Variants in PCDHA2 observed in about 807,000 individuals in gnomAD.
The protein encoded by PCDHA2 is protocadherin alpha-2.
A neutral mutation model predicts 66.0 loss-of-function variants in PCDHA2; 58 were observed. That is an observed-to-expected ratio of 0.88 (90% CI 0.71 to 1.09). PCDHA2 has a LOEUF of 1.09. PCDHA2 is among the 50% of genes least tolerant of loss of function. The probability of loss-of-function intolerance (pLI) is 0.00; values close to 1 mark genes in which losing one functional copy is unlikely to be tolerated. For synonymous variants in PCDHA2, 634 were observed against 554.0 expected, an observed-to-expected ratio of 1.14 and a Z score of -2.03; for missense variants, 1,267 against 1,242.3, an observed-to-expected ratio of 1.02 and a Z score of -0.30.
intron 1 of PCDHA2, among the ~76,000 whole-genome samples, chr5:140,885,031 AT>A (rs1165183992): frequency 6.6e-6 from 1 of 152,198 alleles, no homozygotes; most frequent in Non-Finnish European, 1.5e-5. Flanking sequence ...AATTTAAAAA[AT>A]TTTTAGTTTA....
intron 3 of PCDHA2, among the ~76,000 whole-genome samples, chr5:140,985,205 G>C (rs1554246849): frequency 6.6e-6 from 1 of 152,092 alleles, no homozygotes; most frequent in African/African-American, 2.4e-5. Flanking sequence ...CCAAAGTGTT[G>C]GGATTACAGG....
chr5:140,857,858 G>T (rs781810921), intron 1 of PCDHA2: 3 of 1,597,852 alleles, frequency 1.9e-6, no homozygotes, highest in South Asian at 1.1e-5. Context: ...TGGATACAAC[G>T]CGTGGCTGTC....
At chr5:140,830,321 G>T (rs2150184954) in intron 1 of PCDHA2, 3 of 1,613,998 alleles carry the variant, frequency 1.9e-6, no homozygotes, top group Admixed American at 1.7e-5. Flanking sequence ...GTGCTCCAGC[G>T]CAGTGGGGAG....
intron 3 of PCDHA2, 47 bp from the exon 4 acceptor site, chr5:141,009,580 G>T: frequency 1.3e-6 from 2 of 1,588,168 alleles, no homozygotes; most frequent in South Asian, 2.3e-5. Context: ...GTGGCATCAA[G>T]AGCATGTGTT....
At chr5:140,807,030 A>T in intron 1 of PCDHA2, 1 of 890,846 alleles carries the variant, frequency 1.1e-6, no homozygotes, top group Non-Finnish European at 1.7e-6. Context: ...AGAAGGAGGA[A>T]GAAGGGAAAA....
intron 3 of PCDHA2, among the ~76,000 whole-genome samples, chr5:141,008,882 A>G (rs2098393885): frequency 6.6e-6 from 1 of 152,170 alleles, no homozygotes; most frequent in Non-Finnish European, 1.5e-5. Flanking sequence ...ACCACCCTTC[A>G]ATGTTATTAC....
chr5:140,926,745 C>T (rs1344644551), intron 1 of PCDHA2: 3 of 1,219,360 alleles, frequency 2.5e-6, no homozygotes, highest in Non-Finnish European at 3.2e-6. Flanking sequence ...GGCGCAACGT[C>T]GGCGGTCGCT....
Position 141,011,847 on chromosome 5 carries a change from T to C in PCDHA2, c.*1910T>C, listed in dbSNP as rs745912784. 2.0e-5 allele frequency: 3 copies of C among 153,780 alleles called. No individual in the cohort carries two copies. Among genetic ancestry groups the C allele is most frequent in the Non-Finnish European group, 4.4e-5 (3 of 68,052 alleles). The allele number at this position is 153,780 out of a possible 1,614,324, so 9.5% of individuals were successfully genotyped here. ...ATTTGCTGTCACCTTAAATAAGACA[T>C]TTTAATTTTGTTATAATGTACAATT... On this transcript the variant is annotated 3_prime_UTR_variant, in exon 4 of 4. Coordinates refer to ENST00000526136, the MANE Select transcript of PCDHA2 (RefSeq NM_018905.3).
intron 3 of PCDHA2, among the ~76,000 whole-genome samples, chr5:141,001,642 G>A (rs1399710505): frequency 6.6e-6 from 1 of 152,110 alleles, no homozygotes; most frequent in African/African-American, 2.4e-5. Flanking sequence ...GGGGGTGAAG[G>A]TGTGGGAGAA....
chr5:140,824,376 A>G, intron 1 of PCDHA2: 2 of 567,188 alleles, frequency 3.5e-6, no homozygotes, highest in Non-Finnish European at 6.1e-6. Context: ...TGAATTTTGC[A>G]TCTCTAAAAA....
chr5:140,876,754 C>T, intron 1 of PCDHA2: 2 of 1,614,210 alleles, frequency 1.2e-6, no homozygotes, highest in Non-Finnish European at 1.7e-6. Context: ...GGTGACTGCG[C>T]GGGATGGGGG....
At chr5:140,980,616 G>A (rs2096898086) in intron 2 of PCDHA2, among the ~76,000 whole-genome samples, 4 of 151,912 alleles carry the variant, frequency 2.6e-5, no homozygotes, top group Admixed American at 2.0e-4. Context: ...GCGACAGTGC[G>A]AGACTCTGTC....
chr5:140,956,497 A>G (rs2095288493), intron 1 of PCDHA2, among the ~76,000 whole-genome samples: 2 of 152,190 alleles, frequency 1.3e-5, no homozygotes, highest in Admixed American at 1.3e-4. Flanking sequence ...CCAGGGATGA[A>G]GCCTACTTGA....
intron 1 of PCDHA2, among the ~76,000 whole-genome samples, chr5:140,874,942 C>T (rs2055181968): frequency 6.6e-6 from 1 of 152,060 alleles, no homozygotes; most frequent in African/African-American, 2.4e-5. Context: ...ATTGAAACAG[C>T]GGAATTGTAA....
intron 2 of PCDHA2, among the ~76,000 whole-genome samples, chr5:140,980,278 GAAAAGT>G (rs1267614144): frequency 6.6e-6 from 1 of 152,166 alleles, no homozygotes; most frequent in Non-Finnish European, 1.5e-5. Context: ...ACCAACTCTT[GAAAAGT>G]ACCAAAGCTA....
chr5:140,967,114 C>T (rs782407413), intron 1 of PCDHA2: 17 of 1,612,932 alleles, frequency 1.1e-5, no homozygotes, highest in Non-Finnish European at 1.4e-5. Flanking sequence ...AGCGGCCTCG[C>T]TGCCTGCTCA....
intron 1 of PCDHA2, chr5:140,877,802 A>C: frequency 6.2e-7 from 1 of 1,613,434 alleles, no homozygotes; most frequent in Non-Finnish European, 8.5e-7. Flanking sequence ...CCAAGCCTTC[A>C]GCTGTCTCGA....
intron 1 of PCDHA2, chr5:140,882,290 G>A: frequency 6.2e-7 from 1 of 1,613,532 alleles, no homozygotes; most frequent in Non-Finnish European, 8.5e-7. Flanking sequence ...CTGGCAAGGA[G>A]GCCCAAGACC....
At chr5:140,835,480 G>A (rs1343566248) in intron 1 of PCDHA2, 1 of 1,613,772 alleles carries the variant, frequency 6.2e-7, no homozygotes, top group Non-Finnish European at 8.5e-7. Flanking sequence ...GCCCAACCAG[G>A]TACCGTCATC....
Sources: allele counts gnomAD v4.1 joint callset (sites outside exome capture counted in the v4.1 genomes callset), GRCh38; gene constraint gnomAD v4.1.1; transcripts MANE v1.5; gene names NCBI Gene and HGNC (gene_info 2026-07-23, HGNC 2026-07-21).